Variants in TNKS observed in about 807,000 individuals in gnomAD.
The protein encoded by TNKS is tankyrase.
In TNKS, 72 loss-of-function variants were observed where a neutral mutation model predicts 135.8. The observed-to-expected ratio is 0.53, with a 90% confidence interval of 0.44 to 0.64. TNKS has a LOEUF of 0.64. Among genes scored for constraint, TNKS ranks in the 30% least tolerant of loss-of-function variants. TNKS has a pLI of 0.00. For missense variants in TNKS, 1,769 were observed against 1,674.0 expected (o/e 1.06, Z -0.99); for synonymous variants, 849 against 649.3 (o/e 1.31, Z -4.68).
chr8:9,769,620 T>C (rs1421719759), intron 25 of TNKS, among the ~76,000 whole-genome samples: 4 of 134,968 alleles, frequency 3.0e-5, no homozygotes, highest in Non-Finnish European at 3.1e-5. Context: ...TTCTTTTTTT[T>C]TTTTTTTTTT....
chr8:9,690,137 C>T (rs536754276), intron 5 of TNKS, among the ~76,000 whole-genome samples: 6 of 152,128 alleles, frequency 3.9e-5, no homozygotes, highest in Admixed American at 2.6e-4. Flanking sequence ...CCTAATGTTG[C>T]ACCTTGAGAG....
rs370316105 is a variant in TNKS, at chr8:9,615,635, G to A, written c.952G>A (p.Ala318Thr). 6 of 1,613,642 alleles carry A rather than the reference G, an allele frequency of 3.7e-6. No individual in the cohort carries two copies. The highest frequency in any genetic ancestry group is 5.1e-6 in the Non-Finnish European group (6 of 1,179,830). ...CATTCGGAACACTGATGGGAAATCA[G>A]CCCTGGACCTGGCAGATCCTTCAGC... ...PNIRNTDGKS[A>T]LDLADPSAKA... Residue 318 changes from alanine (A) to threonine (T), a missense_variant, in exon 3 of 27, where the codon GCC (alanine) becomes ACC (threonine). Ala to Thr is a moderately conservative substitution (Grantham distance 58). This residue lies in a region of TNKS where 523 missense variants were observed against 541.0 expected (regional missense o/e 0.97). Coordinates refer to ENST00000310430, the MANE Select transcript of TNKS (RefSeq NM_003747.3).
chr8:9,661,115 T>C, intron 3 of TNKS, among the ~76,000 whole-genome samples: 1 of 152,056 alleles, frequency 6.6e-6, no homozygotes, highest in East Asian at 1.9e-4. Flanking sequence ...CATTCCATGC[T>C]CATGGGTAGG....
At chr8:9,575,968 T>G (rs1344870444) in intron 1 of TNKS, among the ~76,000 whole-genome samples, 1 of 152,188 alleles carries the variant, frequency 6.6e-6, no homozygotes, top group Non-Finnish European at 1.5e-5. Flanking sequence ...TGTTGAATTT[T>G]CTAACGGTTG....
At chr8:9,589,949 A>C (rs1001579343) in intron 2 of TNKS, among the ~76,000 whole-genome samples, 3 of 152,204 alleles carry the variant, frequency 2.0e-5, no homozygotes, top group Admixed American at 6.5e-5. Context: ...TCCTCTGTTC[A>C]TGTGCATGCT....
intron 1 of TNKS, chr8:9,574,880 C>G (rs1488515005): frequency 1.4e-5 from 3 of 216,006 alleles, no homozygotes; most frequent in Admixed American, 6.5e-5. Context: ...CCCGCGCCCC[C>G]CTTTACTCAC....
chr8:9,556,068 C>A lies in TNKS; in HGVS notation c.129C>A (p.Thr43=). ...TCAGCCCTGGCCTGGCCCCGGGGAC[C>A]ACCCCAGCCTCTCCCACGGCCAGCG... ...PPLSPGLAPG[T]TPASPTASGL... The change falls in exon 1 of 27, where the codon ACC becomes ACA. Residue 43 remains threonine (T), a synonymous_variant. Transcript: ENST00000310430. The A allele has an allele frequency of 6.2e-7, 1 of 1,606,968 alleles. No homozygotes were observed. The highest frequency in any genetic ancestry group is 1.1e-5 in the South Asian group (1 of 90,628).
At chr8:9,609,076 T>G (rs1343741627) in intron 2 of TNKS, among the ~76,000 whole-genome samples, 1 of 152,216 alleles carries the variant, frequency 6.6e-6, no homozygotes, top group Non-Finnish European at 1.5e-5. Flanking sequence ...CTATTATTTT[T>G]TATAGTTTCA....
At chr8:9,749,771 C>G (rs1806423807) in intron 18 of TNKS, among the ~76,000 whole-genome samples, 1 of 152,154 alleles carries the variant, frequency 6.6e-6, no homozygotes, top group Non-Finnish European at 1.5e-5. Context: ...GTGTGAACCA[C>G]TGTACATAGC....
intron 3 of TNKS, among the ~76,000 whole-genome samples, chr8:9,628,039 C>G (rs1295750732): frequency 1.3e-5 from 2 of 152,184 alleles, no homozygotes; most frequent in African/African-American, 4.8e-5. Flanking sequence ...CTACTTTTTG[C>G]TCTGGATTTC....
intron 6 of TNKS, among the ~76,000 whole-genome samples, chr8:9,704,962 AT>A (rs752852065): frequency 2.0e-5 from 3 of 152,180 alleles, no homozygotes; most frequent in Non-Finnish European, 4.4e-5. Flanking sequence ...AATCAATTTA[AT>A]TTTATCACCG....
intron 11 of TNKS, among the ~76,000 whole-genome samples, chr8:9,711,128 A>G (rs1804309654): frequency 6.6e-6 from 1 of 152,226 alleles, no homozygotes; most frequent in African/African-American, 2.4e-5. Flanking sequence ...TCTCCAAAGT[A>G]GGGTATAGAC....
At chr8:9,745,191 AT>A (rs1268744939) in intron 17 of TNKS, among the ~76,000 whole-genome samples, 1 of 152,174 alleles carries the variant, frequency 6.6e-6, no homozygotes, top group African/African-American at 2.4e-5. Context: ...AGGGAGATAA[AT>A]TACTAGGTTT....
chr8:9,636,591 A>G lies in TNKS; in HGVS notation c.994+20914A>G, dbSNP rs894269664. ...AGAGCATTTTATGGGCATTGTTATA[A>G]TTGTTAACTCTCCTTGCTTTCTATC... On this transcript the variant is annotated intron_variant, in intron 3 of 26. Coordinates refer to ENST00000310430, the MANE Select transcript of TNKS (RefSeq NM_003747.3). Among the ~76,000 whole-genome samples, 3 of 152,304 alleles carry G rather than the reference A, an allele frequency of 2.0e-5. No homozygotes were observed. In the South Asian group the frequency reaches 6.2e-4, roughly 32 times the overall value.
chr8:9,747,900 C>T, intron 17 of TNKS, 124 bp from the exon 18 acceptor site: 1 of 935,484 alleles, frequency 1.1e-6, no homozygotes, highest in Non-Finnish European at 1.5e-6. Flanking sequence ...TTAGAAGAAA[C>T]TTCTGTTAAG....
intron 1 of TNKS, among the ~76,000 whole-genome samples, chr8:9,560,225 T>C (rs1028922987): frequency 3.3e-5 from 5 of 152,112 alleles, no homozygotes; most frequent in Non-Finnish European, 7.4e-5. Flanking sequence ...ATGAGGTCTT[T>C]TTTTTATTAA....
chr8:9,633,168 T>G (rs552302275), intron 3 of TNKS, among the ~76,000 whole-genome samples: 7 of 152,354 alleles, frequency 4.6e-5, no homozygotes, highest in Non-Finnish European at 1.0e-4. Flanking sequence ...TTACTCTTCC[T>G]TCCAAAAATG....
intron 12 of TNKS, among the ~76,000 whole-genome samples, chr8:9,721,050 G>C (rs1442634456): frequency 6.6e-6 from 1 of 151,910 alleles, no homozygotes; most frequent in African/African-American, 2.4e-5. Flanking sequence ...GGGATGCCGA[G>C]GCAGGCAGAT....
At chr8:9,694,299 G>A (rs1179320730) in intron 5 of TNKS, among the ~76,000 whole-genome samples, 2 of 151,766 alleles carry the variant, frequency 1.3e-5, no homozygotes, top group African/African-American at 4.8e-5. Flanking sequence ...TATATGTAAG[G>A]TGCTTTGTTA....
Sources: gnomAD v4.1 joint callset for allele counts (sites outside exome capture counted in the v4.1 genomes callset) on GRCh38, gnomAD v4.1.1 for gene constraint, gnomAD v4.1.1 regional missense constraint, MANE v1.5 for transcripts, NCBI Gene and HGNC (gene_info 2026-07-23, HGNC 2026-07-21) for gene names.